Variants in EML6 observed in about 807,000 individuals in gnomAD.
EML6 encodes the protein echinoderm microtubule-associated protein-like 6.
Under a neutral mutation model 240.1 loss-of-function variants are expected in EML6, and 154 were observed. That is an observed-to-expected ratio of 0.64 (90% CI 0.56 to 0.73). EML6 has a LOEUF of 0.73. Among genes scored for constraint, EML6 ranks in the 30% least tolerant of loss-of-function variants. The pLI, the probability that EML6 is intolerant of heterozygous loss-of-function variation, is 0.00. For synonymous variants in EML6, 1,148 were observed against 899.0 expected, an observed-to-expected ratio of 1.28 and a Z score of -4.95; for missense variants, 2,964 against 2,474.6, an observed-to-expected ratio of 1.20 and a Z score of -4.20.
At chr2:54,931,741 G>C (rs1254481214) in intron 28 of EML6, among the ~76,000 whole-genome samples, 1 of 152,196 alleles carries the variant, frequency 6.6e-6, no homozygotes, top group Admixed American at 6.5e-5. Context: ...GACTGAAAGA[G>C]ATGTGAGCTT....
intron 17 of EML6, among the ~76,000 whole-genome samples, chr2:54,889,820 A>G (rs1573079851): frequency 6.6e-6 from 1 of 152,250 alleles, no homozygotes; most frequent in Non-Finnish European, 1.5e-5. Context: ...GGTAGTGGTA[A>G]TTATCCTGAC....
chr2:54,896,897 A>T (rs1329096650), intron 21 of EML6, among the ~76,000 whole-genome samples: 10 of 152,196 alleles, frequency 6.6e-5, no homozygotes. Context: ...GAAAAAATCT[A>T]TGTTAAAAAC....
rs753566368 is a variant in EML6, at chr2:54,962,689, G to A, written c.5135G>A (p.Arg1712Gln). ...TCTGCCAGCAACGATGGCACAGCCCGGATCTGGGACCTGGCTGACAAGGTG... is the reference window on the plus strand; with the variant it reads ...TCTGCCAGCAACGATGGCACAGCCCAGATCTGGGACCTGGCTGACAAGGTG... ...FISASNDGTA[R>Q]IWDLADKKLL... Residue 1712 changes from arginine to glutamine, a missense_variant, in exon 36 of 42, where the codon CGG (arginine) becomes CAG (glutamine). Physicochemically the swap from Arg to Gln is conservative, Grantham distance 43. Transcript: ENST00000356458. The A allele has an allele frequency of 4.0e-6, 6 of 1,501,394 alleles. No individual in the cohort carries two copies. Among genetic ancestry groups the A allele is most frequent in the South Asian group, 1.3e-5 (1 of 76,046 alleles). The allele number at this position is 1,501,394 out of a possible 1,614,324, so 93.0% of individuals were successfully genotyped here. A position where few individuals can be genotyped will look rare whatever the true frequency, so the allele number is the denominator to read the frequency against.
chr2:54,928,098 C>G (rs1001431077), intron 26 of EML6, among the ~76,000 whole-genome samples: 1 of 152,118 alleles, frequency 6.6e-6, no homozygotes, highest in Non-Finnish European at 1.5e-5. Context: ...TCATTCATTC[C>G]CTCAAAAATA....
At chr2:54,822,413 A>T (rs1327819420) in intron 5 of EML6, among the ~76,000 whole-genome samples, 2 of 152,212 alleles carry the variant, frequency 1.3e-5, no homozygotes, top group African/African-American at 4.8e-5. Context: ...TGTTAGAAGT[A>T]TGAACCAAGA....
At chr2:54,931,091 G>A (rs1674834453) in intron 28 of EML6, among the ~76,000 whole-genome samples, 1 of 151,532 alleles carries the variant, frequency 6.6e-6, no homozygotes, top group African/African-American at 2.4e-5. Flanking sequence ...CCAAGTAGCT[G>A]GGACTACAGG....
chr2:54,757,548 A>G (rs1402063289), intron 2 of EML6, among the ~76,000 whole-genome samples: 1 of 152,152 alleles, frequency 6.6e-6, no homozygotes, highest in Non-Finnish European at 1.5e-5. Context: ...ATGGTTCACA[A>G]GGCCGCCGAC....
At chr2:54,934,715 C>G (rs985675911) in intron 28 of EML6, among the ~76,000 whole-genome samples, 1 of 151,936 alleles carries the variant, frequency 6.6e-6, no homozygotes, top group African/African-American at 2.4e-5. Context: ...ACCACCATAC[C>G]CAGCTTATCT....
chr2:54,808,719 G>A (rs911059430), intron 2 of EML6, among the ~76,000 whole-genome samples: 1 of 152,092 alleles, frequency 6.6e-6, no homozygotes, highest in Non-Finnish European at 1.5e-5. Context: ...TTTTGTTGTT[G>A]TTGTTAAACT....
chr2:54,745,001 A>C (rs1326638853), intron 2 of EML6, among the ~76,000 whole-genome samples: 8 of 147,484 alleles, frequency 5.4e-5, no homozygotes, highest in Non-Finnish European at 1.5e-5. Context: ...GAGTGAGGGA[A>C]AGAAGGCATT....
intron 2 of EML6, among the ~76,000 whole-genome samples, chr2:54,760,822 A>AT (rs200476039): frequency 0.078 from 9,320 of 120,242 alleles, 1,150 homozygotes; most frequent in African/African-American, 0.27. Flanking sequence ...TTGAGGGAGC[A>AT]TTTTTTTTTT....
At chr2:54,803,473 C>G (rs376584816) in intron 2 of EML6, among the ~76,000 whole-genome samples, 8 of 152,180 alleles carry the variant, frequency 5.3e-5, no homozygotes, top group African/African-American at 1.9e-4. Context: ...AGACCCTCCT[C>G]TAGCAGCTCC....
rs1245265399 is a variant in EML6, at chr2:54,816,772, T to C, written c.358-15T>C. Reference sequence around the variant, plus strand: ...CCATCACTTTTAGGTACTAAATTATTGTTCTTATTCTTAGCGTTTAGCCTC... The same window carrying C: ...CCATCACTTTTAGGTACTAAATTATCGTTCTTATTCTTAGCGTTTAGCCTC... On this transcript the variant is annotated splice_polypyrimidine_tract_variant and intron_variant, in intron 3 of 41. Coordinates refer to ENST00000356458, the MANE Select transcript of EML6 (RefSeq NM_001039753.4). 2 of 1,532,366 alleles carry C rather than the reference T, an allele frequency of 1.3e-6. No individual in the cohort carries two copies. The highest frequency in any genetic ancestry group is 2.8e-5 in the African/African-American group (2 of 72,678). The allele number at this position is 1,532,366 out of a possible 1,614,324, so 94.9% of individuals were successfully genotyped here.
intron 7 of EML6, among the ~76,000 whole-genome samples, chr2:54,839,443 T>C (rs764206990): frequency 8.5e-5 from 13 of 152,154 alleles, no homozygotes; most frequent in Non-Finnish European, 5.9e-5. Context: ...CAAAAGACAA[T>C]TGATGTGTTG....
chr2:54,836,805 C>G (rs552456415), intron 7 of EML6, among the ~76,000 whole-genome samples: 1 of 152,330 alleles, frequency 6.6e-6, no homozygotes, highest in African/African-American at 2.4e-5. Flanking sequence ...CTGTTTTGCA[C>G]TGGGCTCCAA....
intron 2 of EML6, among the ~76,000 whole-genome samples, chr2:54,804,422 T>G (rs1225943978): frequency 6.6e-6 from 1 of 152,228 alleles, no homozygotes; most frequent in African/African-American, 2.4e-5. Context: ...TGTTACAGTC[T>G]TAGGCAGTAT....
chr2:54,948,825 G>A (rs552734479), intron 28 of EML6, 57 bp from the exon 29 acceptor site: 2 of 1,388,070 alleles, frequency 1.4e-6, no homozygotes, highest in South Asian at 2.5e-5. Context: ...ACACCGGGAA[G>A]GCAGCCTTGC....
chr2:54,871,518 A>G lies in EML6; in HGVS notation c.2257A>G (p.Ile753Val). Residue 753 changes from isoleucine (I) to valine (V), a missense_variant, in exon 16 of 42, where the codon ATT becomes GTT. By Grantham distance (29) the Ile-to-Val change is conservative. Transcript: ENST00000356458. ...ATTTAAGGTTGGAAGAGATGCTGCT[A>G]TTCATGTGTGGGACACACAAACTCT... The part of the protein sequence containing the change: ...ATGQVGRDAA[I>V]HVWDTQTLKC... The G allele has an allele frequency of 6.4e-7, 1 of 1,551,538 alleles. No homozygotes were observed. The highest frequency in any genetic ancestry group is 1.2e-5 in the South Asian group (1 of 84,064).
rs1051223546 is a variant in EML6, at chr2:54,902,001, C to T, written c.3125-1043C>T. ...TAGTGCCAATTAGTTTTCCAGAAAC[C>T]CCTTGGGAGAATGTTCAGATTCCAT... On this transcript the variant is annotated intron_variant, in intron 22 of 41. Transcript: ENST00000356458. Among the ~76,000 whole-genome samples, 18 of 152,266 alleles carry T rather than the reference C, an allele frequency of 1.2e-4. No individual in the cohort carries two copies. The East Asian group carries it at 3.1e-3, about 26-fold the overall frequency.
Sources: allele counts gnomAD v4.1 joint callset (sites outside exome capture counted in the v4.1 genomes callset), GRCh38; gene constraint gnomAD v4.1.1; transcripts MANE v1.5; gene names NCBI Gene and HGNC (gene_info 2026-07-23, HGNC 2026-07-21).